The following NMNAT2 variants were observed in gnomAD, a reference collection of about 807,000 sequenced individuals.
NMNAT2 encodes the protein nicotinamide/nicotinic acid mononucleotide adenylyltransferase 2.
In NMNAT2, 11 loss-of-function variants were observed where a neutral mutation model predicts 41.6. The observed-to-expected ratio is 0.26, with a 90% confidence interval of 0.17 to 0.44. NMNAT2 has a LOEUF of 0.44. NMNAT2 is among the 20% of genes least tolerant of loss of function. NMNAT2 has a pLI of 1.00. For missense variants in NMNAT2, 288 were observed against 407.7 expected (o/e 0.71, Z 2.53); for synonymous variants, 148 against 151.2 (o/e 0.98, Z 0.16).
intron 1 of NMNAT2, among the ~76,000 whole-genome samples, chr1:183,321,820 T>C (rs1433361342): frequency 6.6e-6 from 1 of 152,128 alleles, no homozygotes; most frequent in Non-Finnish European, 1.5e-5. Flanking sequence ...TGTTTTGTTT[T>C]GTTTTGTTTT....
chr1:183,359,593 T>C (rs1351629253), intron 1 of NMNAT2, among the ~76,000 whole-genome samples: 1 of 152,130 alleles, frequency 6.6e-6, no homozygotes, highest in Non-Finnish European at 1.5e-5. Flanking sequence ...TGGGTAAACC[T>C]TTGTCCAAGC....
chr1:183,387,796 G>A (rs1122259), intron 1 of NMNAT2, among the ~76,000 whole-genome samples: 23,072 of 152,070 alleles, frequency 0.15, 1,959 homozygotes, highest in South Asian at 0.25. Context: ...TATGTCTCAC[G>A]TAGAGGTAAA....
chr1:183,339,225 G>A (rs1488936606), intron 1 of NMNAT2, among the ~76,000 whole-genome samples: 3 of 152,058 alleles, frequency 2.0e-5, no homozygotes, highest in African/African-American at 4.8e-5. Flanking sequence ...AGCCTCCCAA[G>A]TAGCTGGGAC....
intron 1 of NMNAT2, among the ~76,000 whole-genome samples, chr1:183,365,360 A>G (rs1042592913): frequency 4.3e-4 from 66 of 152,244 alleles, no homozygotes; most frequent in African/African-American, 1.5e-3. Context: ...AAACAGGTCC[A>G]TGCAGCATCA....
chr1:183,293,802 G>C lies in NMNAT2; in HGVS notation c.86-9C>G. The stretch of plus-strand genomic sequence containing the variant: ...ATAATCCCTGGCTCTTTCTAATTAA[G>C]AGAAGAAACCCACACATTATAAAGA... On this transcript the variant is annotated splice_polypyrimidine_tract_variant and intron_variant, in intron 1 of 10. Coordinates refer to ENST00000287713, the MANE Select transcript of NMNAT2 (RefSeq NM_015039.4). 1 of 1,597,778 alleles carries C rather than the reference G, an allele frequency of 6.3e-7. No individual in the cohort carries two copies. Among genetic ancestry groups the C allele is most frequent in the Non-Finnish European group, 8.6e-7 (1 of 1,165,224 alleles).
chr1:183,265,203 A>C (rs1660779132), intron 8 of NMNAT2, among the ~76,000 whole-genome samples: 1 of 151,384 alleles, frequency 6.6e-6, no homozygotes. Context: ...CCCCTCAAAG[A>C]AATGGTTTTC....
intron 1 of NMNAT2, among the ~76,000 whole-genome samples, chr1:183,389,828 GAAAGAAAGAA>G (rs1648409219): frequency 1.9e-5 from 1 of 53,008 alleles, no homozygotes; most frequent in African/African-American, 6.2e-5. Context: ...AAGAAAGAAA[GAAAGAAAGAA>G]AGAAAGGAAA....
chr1:183,366,974 G>A (rs1663426954), intron 1 of NMNAT2, among the ~76,000 whole-genome samples: 1 of 152,218 alleles, frequency 6.6e-6, no homozygotes, highest in East Asian at 1.9e-4. Context: ...CACTCTTTAT[G>A]CTCCCAGTTT....
At chr1:183,321,292 C>T (rs1419181755) in intron 1 of NMNAT2, among the ~76,000 whole-genome samples, 1 of 152,084 alleles carries the variant, frequency 6.6e-6, no homozygotes, top group Non-Finnish European at 1.5e-5. Flanking sequence ...AAGCCCAAAC[C>T]ATATACATAA....
chr1:183,359,600 A>G (rs1224381360), intron 1 of NMNAT2, among the ~76,000 whole-genome samples: 1 of 152,156 alleles, frequency 6.6e-6, no homozygotes, highest in Non-Finnish European at 1.5e-5. Context: ...ACCTTTGTCC[A>G]AGCAGGACAG....
At chr1:183,267,386 G>A (rs1558110407) in intron 8 of NMNAT2, 1 of 152,200 alleles carries the variant, frequency 6.6e-6, no homozygotes, top group Non-Finnish European at 1.5e-5. Flanking sequence ...TTTTGATATA[G>A]CATGTGTCGA....
At chr1:183,284,934 G>A in intron 5 of NMNAT2, 144 bp from the exon 6 acceptor site, 2 of 663,608 alleles carry the variant, frequency 3.0e-6, no homozygotes, top group Non-Finnish European at 5.6e-6. Flanking sequence ...TAGCAGGAGG[G>A]TAGAGAGAAA....
At chr1:183,322,547 C>T (rs1662376259) in intron 1 of NMNAT2, among the ~76,000 whole-genome samples, 1 of 152,178 alleles carries the variant, frequency 6.6e-6, no homozygotes, top group Non-Finnish European at 1.5e-5. Flanking sequence ...CTGGGCCTGT[C>T]CCAATTGCTA....
Position 183,265,992 on chromosome 1 carries a change from T to C in NMNAT2, c.652-4689A>G, listed in dbSNP as rs545810825. ...ATTTGAAGATGCTCCACTGTGGAGC[T>C]TGAAGTTGGAGGAAGGGACCATTAA... On this transcript the variant is annotated intron_variant, in intron 8 of 10. Transcript: ENST00000287713. Among the ~76,000 whole-genome samples, 35 of 152,284 alleles carry C rather than the reference T, an allele frequency of 2.3e-4. No individual in the cohort carries two copies. The South Asian group carries it at 5.6e-3, about 24-fold the overall frequency.
intron 1 of NMNAT2, among the ~76,000 whole-genome samples, chr1:183,341,523 C>CAAA (rs33955752): frequency 1.2e-5 from 1 of 81,364 alleles, no homozygotes; most frequent in Non-Finnish European, 2.3e-5. Flanking sequence ...ACAAAAAATG[C>CAAA]AAAAAAAAAA....
intron 1 of NMNAT2, among the ~76,000 whole-genome samples, chr1:183,315,824 T>TTGA (rs1410523687): frequency 6.7e-6 from 1 of 148,884 alleles, no homozygotes; most frequent in Non-Finnish European, 1.5e-5. Context: ...AGATGACAGG[T>TTGA]TGATGGGTGC....
intron 1 of NMNAT2, among the ~76,000 whole-genome samples, chr1:183,340,410 C>A (rs1001640365): frequency 6.6e-5 from 10 of 151,612 alleles, no homozygotes; most frequent in African/African-American, 2.4e-4. Context: ...GCAATCTACA[C>A]CTCCTGGGTT....
intron 7 of NMNAT2, among the ~76,000 whole-genome samples, chr1:183,282,438 G>A (rs1661295109): frequency 1.3e-5 from 2 of 152,246 alleles, no homozygotes; most frequent in Admixed American, 1.3e-4. Flanking sequence ...CTCCTGGAGG[G>A]GACTCCTTGA....
At chr1:183,327,472 A>C (rs78568982) in intron 1 of NMNAT2, among the ~76,000 whole-genome samples, 2,319 of 152,316 alleles carry the variant, frequency 0.015, 52 homozygotes, top group African/African-American at 0.052. Context: ...CCAGTACGCC[A>C]AAAGGGCCAT....
Sources: gnomAD v4.1 joint callset for allele counts (sites outside exome capture counted in the v4.1 genomes callset) on GRCh38, gnomAD v4.1.1 for gene constraint, MANE v1.5 for transcripts, NCBI Gene and HGNC (gene_info 2026-07-23, HGNC 2026-07-21) for gene names.